The following POU2F1 variants were observed in gnomAD, a reference collection of about 807,000 sequenced individuals.
POU2F1 encodes the protein POU domain, class 2, transcription factor 1.
POU2F1 carries 16 observed loss-of-function variants against 84.9 expected under a neutral mutation model. The ratio of observed to expected loss-of-function variants is 0.19; its 90% CI spans 0.13 to 0.29. The LOEUF (loss-of-function observed/expected upper bound fraction) is 0.29. Among genes scored for constraint, POU2F1 ranks in the 10% least tolerant of loss-of-function variants. The probability of loss-of-function intolerance (pLI) is 1.00; values close to 1 mark genes in which losing one functional copy is unlikely to be tolerated. For synonymous variants in POU2F1, 368 were observed against 368.3 expected (o/e 1.00, Z 0.01); for missense variants, 738 against 942.6 (o/e 0.78, Z 2.84).
At chr1:167,409,001 G>A (rs1649776754) in intron 13 of POU2F1, among the ~76,000 whole-genome samples, 1 of 152,140 alleles carries the variant, frequency 6.6e-6, no homozygotes, top group African/African-American at 2.4e-5. Context: ...TCAGTCTGTG[G>A]CTTTTGAAGC....
intron 1 of POU2F1, among the ~76,000 whole-genome samples, chr1:167,283,492 G>T (rs1653309358): frequency 6.6e-6 from 1 of 152,094 alleles, no homozygotes; most frequent in Non-Finnish European, 1.5e-5. Context: ...TGGATGGTTG[G>T]GTAGATAGAT....
At chr1:167,369,264 C>G (rs952166702) in intron 3 of POU2F1, among the ~76,000 whole-genome samples, 18 of 152,094 alleles carry the variant, frequency 1.2e-4, no homozygotes, top group African/African-American at 4.3e-4. Context: ...ATGCTGTATT[C>G]CTCTCAGTGC....
chr1:167,351,519 CAAAAAAAAAAA>C (rs34170498), intron 2 of POU2F1, among the ~76,000 whole-genome samples: 73 of 45,994 alleles, frequency 1.6e-3, no homozygotes, highest in Admixed American at 0.014. Context: ...AGCACCATCT[CAAAAAAAAAAA>C]AAAAAAAAAA....
At chr1:167,275,591 G>A (rs533864087) in intron 1 of POU2F1, among the ~76,000 whole-genome samples, 2 of 152,038 alleles carry the variant, frequency 1.3e-5, no homozygotes, top group Admixed American at 6.6e-5. Flanking sequence ...GCACACAGGC[G>A]AGATTATGGG....
intron 2 of POU2F1, among the ~76,000 whole-genome samples, chr1:167,359,802 TGTGTACG>T: frequency 6.6e-6 from 1 of 151,314 alleles, no homozygotes; most frequent in East Asian, 1.9e-4. Flanking sequence ...CTACCAACAG[TGTGTACG>T]TGGTTTTTTT....
At chr1:167,347,589 A>T (rs1324592646) in intron 2 of POU2F1, among the ~76,000 whole-genome samples, 1 of 152,226 alleles carries the variant, frequency 6.6e-6, no homozygotes, top group Non-Finnish European at 1.5e-5. Flanking sequence ...AGTGGCATTT[A>T]GTGTATTCAC....
At chr1:167,320,326 A>C (rs1656222691) in intron 1 of POU2F1, among the ~76,000 whole-genome samples, 2 of 152,192 alleles carry the variant, frequency 1.3e-5, no homozygotes, top group Admixed American at 6.5e-5. Context: ...CCAGAATAAG[A>C]AGCTTTACCA....
chr1:167,376,190 C>T (rs772673416), intron 7 of POU2F1, 35 bp downstream of exon 7: 32 of 1,598,922 alleles, frequency 2.0e-5, no homozygotes, highest in Non-Finnish European at 2.7e-5. Flanking sequence ...AGTGGTATAC[C>T]AAGGCTGTTC....
At chr1:167,315,448 C>G (rs1411554260) in intron 1 of POU2F1, among the ~76,000 whole-genome samples, 1 of 151,970 alleles carries the variant, frequency 6.6e-6, no homozygotes, top group Non-Finnish European at 1.5e-5. Flanking sequence ...TTAGAAACAG[C>G]CAAAAAGTCC....
At chr1:167,224,446 A>G (rs1478073919) in intron 1 of POU2F1, among the ~76,000 whole-genome samples, 1 of 152,170 alleles carries the variant, frequency 6.6e-6, no homozygotes, top group Non-Finnish European at 1.5e-5. Context: ...TGTGCTTTTA[A>G]AACAGATTTT....
At chr1:167,386,224 G>C (rs1406023322) in intron 8 of POU2F1, among the ~76,000 whole-genome samples, 1 of 152,180 alleles carries the variant, frequency 6.6e-6, no homozygotes, top group Non-Finnish European at 1.5e-5. Context: ...GCAAGGTCTT[G>C]CTCTGTCACC....
At chr1:167,372,707 T>C (rs1019898697) in intron 5 of POU2F1, among the ~76,000 whole-genome samples, 1 of 152,238 alleles carries the variant, frequency 6.6e-6, no homozygotes, top group Non-Finnish European at 1.5e-5. Context: ...TGAGACGTTC[T>C]GTCATTTATT....
At chr1:167,403,350 G>T (rs764182565) in intron 13 of POU2F1, among the ~76,000 whole-genome samples, 19 of 152,194 alleles carry the variant, frequency 1.2e-4, no homozygotes, top group Non-Finnish European at 2.5e-4. Context: ...CTCAGGCTCT[G>T]CCTGGACACC....
intron 12 of POU2F1, among the ~76,000 whole-genome samples, chr1:167,400,028 G>A (rs1433560116): frequency 7.7e-6 from 1 of 130,640 alleles, no homozygotes; most frequent in Non-Finnish European, 1.5e-5. Flanking sequence ...TTGTTGCCCA[G>A]GCTGGAGTGC....
chr1:167,367,793 A>AT (rs1659776521), intron 3 of POU2F1, among the ~76,000 whole-genome samples: 1 of 151,914 alleles, frequency 6.6e-6, no homozygotes, highest in African/African-American at 2.4e-5. Flanking sequence ...TACACGTACA[A>AT]ATTTTTTTTT....
At position 167,356,196 on chromosome 1, in the gene POU2F1, G is replaced by C. The variant is rs530969671; in HGVS notation, c.128-9271G>C. Among the ~76,000 whole-genome samples the C allele has an allele frequency of 3.4e-5, 5 of 147,240 alleles. No individual in the cohort carries two copies. In the South Asian group the frequency reaches 1.1e-3, roughly 32 times the overall value. On this transcript the variant is annotated intron_variant, in intron 2 of 15. Transcript: ENST00000367866. ...TTTTTTTTTTTCTTGTAGAGGCGGG[G>C]TTTCACCATGTTGCCCAGGCTGGTC...
intron 1 of POU2F1, among the ~76,000 whole-genome samples, chr1:167,328,421 A>G (rs1571309685): frequency 2.0e-5 from 3 of 152,210 alleles, no homozygotes; most frequent in African/African-American, 7.2e-5. Flanking sequence ...TCAGTAGACT[A>G]GCACCATCTT....
chr1:167,351,519 C>CAAAAAAA (rs34170498), intron 2 of POU2F1, among the ~76,000 whole-genome samples: 109 of 45,912 alleles, frequency 2.4e-3, no homozygotes, highest in East Asian at 4.0e-3. Context: ...AGCACCATCT[C>CAAAAAAA]AAAAAAAAAA....
chr1:167,307,752 G>C (rs1655180317), intron 1 of POU2F1, among the ~76,000 whole-genome samples: 1 of 152,072 alleles, frequency 6.6e-6, no homozygotes, highest in Non-Finnish European at 1.5e-5. Context: ...CTAATCCGTA[G>C]ACCCTATTCA....
Sources: allele counts gnomAD v4.1 joint callset (sites outside exome capture counted in the v4.1 genomes callset), GRCh38; gene constraint gnomAD v4.1.1; transcripts MANE v1.5; gene names NCBI Gene and HGNC (gene_info 2026-07-23, HGNC 2026-07-21).